Variants in BAZ2B observed in about 807,000 individuals in gnomAD.
BAZ2B encodes bromodomain adjacent to zinc finger domain protein 2B.
Under a neutral mutation model 246.0 loss-of-function variants are expected in BAZ2B, and 91 were observed. The ratio of observed to expected loss-of-function variants is 0.37; its 90% confidence interval spans 0.31 to 0.44. The LOEUF is 0.44. Among genes scored for constraint, BAZ2B ranks in the 20% least tolerant of loss-of-function variants. BAZ2B has a pLI of 1.00. For missense variants in BAZ2B, 2,332 were observed against 2,533.7 expected, an observed-to-expected ratio of 0.92 and a Z score of 1.71; for synonymous variants, 855 against 860.0, an observed-to-expected ratio of 0.99 and a Z score of 0.10.
chr2:159,540,342 A>C (rs2086514375), intron 2 of BAZ2B, among the ~76,000 whole-genome samples: 1 of 152,254 alleles, frequency 6.6e-6, no homozygotes, highest in Admixed American at 6.5e-5. Flanking sequence ...AGCTTTCTTC[A>C]TGTCTCTTTC....
At chr2:159,401,219 A>C (rs1458857485) in intron 16 of BAZ2B, among the ~76,000 whole-genome samples, 2 of 152,246 alleles carry the variant, frequency 1.3e-5, no homozygotes, top group African/African-American at 4.8e-5. Flanking sequence ...CAAGCTGATT[A>C]AACTATATAG....
intron 2 of BAZ2B, among the ~76,000 whole-genome samples, chr2:159,498,415 C>A (rs1467878852): frequency 2.0e-5 from 3 of 152,128 alleles, no homozygotes; most frequent in Admixed American, 1.3e-4. Flanking sequence ...ATTAGGCGAT[C>A]CCCTGTCAAT....
At chr2:159,670,789 T>G in the BAZ2B span, 1 of 152,202 alleles carries the variant, frequency 6.6e-6, no homozygotes, top group Non-Finnish European at 1.5e-5. Flanking sequence ...GAACTTCCAT[T>G]ATCATTTCTT....
At chr2:159,377,812 C>CAAAAAAAAAAAAAAAAAAA (rs35570732) in intron 25 of BAZ2B, among the ~76,000 whole-genome samples, 19 of 94,164 alleles carry the variant, frequency 2.0e-4, no homozygotes, top group Non-Finnish European at 2.4e-4. Context: ...ACTCTGTCTC[C>CAAAAAAAAAAAAAAAAAAA]AAAAAAAAAA....
the BAZ2B span, among the ~76,000 whole-genome samples, chr2:159,643,650 G>C: frequency 1.3e-5 from 2 of 152,054 alleles, no homozygotes; most frequent in Non-Finnish European, 2.9e-5. Context: ...CGAGGTAGGT[G>C]AATGACCTGA....
intron 2 of BAZ2B, among the ~76,000 whole-genome samples, chr2:159,489,584 C>T (rs1229138345): frequency 1.3e-5 from 2 of 152,054 alleles, no homozygotes; most frequent in Non-Finnish European, 2.9e-5. Flanking sequence ...AACCCCAAAC[C>T]GGATAAACCG....
intron 2 of BAZ2B, among the ~76,000 whole-genome samples, chr2:159,509,361 C>T (rs999488651): frequency 1.2e-4 from 19 of 152,066 alleles, no homozygotes; most frequent in Admixed American, 1.3e-4. Context: ...TCAAACTCAA[C>T]GACCACTTCT....
At chr2:159,602,201 C>A (rs1302584887) in intron 1 of BAZ2B, among the ~76,000 whole-genome samples, 1 of 151,964 alleles carries the variant, frequency 6.6e-6, no homozygotes, top group African/African-American at 2.4e-5. Flanking sequence ...TCTTCTATAC[C>A]CATATTTCTC....
At chr2:159,608,833 T>C (rs1694096668) in intron 1 of BAZ2B, among the ~76,000 whole-genome samples, 1 of 152,146 alleles carries the variant, frequency 6.6e-6, no homozygotes, top group African/African-American at 2.4e-5. Flanking sequence ...TATTCTGTTA[T>C]ATTACAAACC....
the BAZ2B span, among the ~76,000 whole-genome samples, chr2:159,673,893 C>T: frequency 6.6e-6 from 1 of 150,894 alleles, no homozygotes; most frequent in Non-Finnish European, 1.5e-5. Flanking sequence ...GGAATGATAA[C>T]CAGAAATGAA....
At chr2:159,412,578 T>A in intron 13 of BAZ2B, 33 bp from the exon 14 acceptor site, 1 of 1,554,498 alleles carries the variant, frequency 6.4e-7, no homozygotes. Flanking sequence ...AATAATATAT[T>A]ACAAACAAAA....
At chr2:159,671,106 T>C in the BAZ2B span, among the ~76,000 whole-genome samples, 1 of 152,188 alleles carries the variant, frequency 6.6e-6, no homozygotes, top group African/African-American at 2.4e-5. Context: ...TTTCCAAGTA[T>C]AGTACTCACA....
chr2:159,649,168 T>C, the BAZ2B span, among the ~76,000 whole-genome samples: 5 of 152,108 alleles, frequency 3.3e-5, no homozygotes, highest in Non-Finnish European at 7.3e-5. Flanking sequence ...AACTGTGTTA[T>C]ATGTTTTCTT....
chr2:159,699,175 A>G, the BAZ2B span, among the ~76,000 whole-genome samples: 2 of 152,186 alleles, frequency 1.3e-5, no homozygotes, highest in Non-Finnish European at 2.9e-5. Context: ...ACTGTGATAC[A>G]CTTTCCTTGG....
chr2:159,518,098 CA>C (rs768613685), intron 2 of BAZ2B, among the ~76,000 whole-genome samples: 6 of 152,052 alleles, frequency 3.9e-5, no homozygotes, highest in Non-Finnish European at 7.4e-5. Context: ...AATTTTAAAT[CA>C]GAAAATTATT....
chr2:159,459,820 T>C (rs1471974808), intron 3 of BAZ2B: 1 of 152,138 alleles, frequency 6.6e-6, no homozygotes, highest in Non-Finnish European at 1.5e-5. Context: ...ATTAATATAC[T>C]TAATATCAAC....
At chr2:159,609,489 A>G (rs1252310428) in intron 1 of BAZ2B, among the ~76,000 whole-genome samples, 1 of 152,188 alleles carries the variant, frequency 6.6e-6, no homozygotes, top group African/African-American at 2.4e-5. Context: ...GTTTCCCAAA[A>G]CTATGTATAA....
chr2:159,638,513 T>A, the BAZ2B span, among the ~76,000 whole-genome samples: 7 of 152,110 alleles, frequency 4.6e-5, no homozygotes, highest in Non-Finnish European at 1.0e-4. Context: ...CACAGATAAG[T>A]CATTCAGAAT....
intron 27 of BAZ2B, among the ~76,000 whole-genome samples, chr2:159,370,667 C>T (rs1042400892): frequency 6.6e-6 from 1 of 152,000 alleles, no homozygotes; most frequent in African/African-American, 2.4e-5. Flanking sequence ...CCACCGCACC[C>T]GGCCCAGGCT....
Sources: gnomAD v4.1 joint callset for allele counts (sites outside exome capture counted in the v4.1 genomes callset) on GRCh38, gnomAD v4.1.1 for gene constraint, MANE v1.5 for transcripts, NCBI Gene and HGNC (gene_info 2026-07-23, HGNC 2026-07-21) for gene names.